The following NFIA variants were observed in gnomAD, a reference collection of about 807,000 sequenced individuals.
NFIA encodes the protein nuclear factor I A.
NFIA carries 8 observed loss-of-function variants against 62.8 expected under a neutral mutation model. The ratio of observed to expected loss-of-function variants is 0.13; its 90% CI spans 0.07 to 0.23. The LOEUF is 0.23. Ranked by LOEUF, NFIA falls within the 10% of genes least tolerant of loss-of-function variation. The pLI is 1.00. For missense variants in NFIA, 410 were observed against 642.1 expected (o/e 0.64, Z 3.91); for synonymous variants, 235 against 238.1 (o/e 0.99, Z 0.12).
chr1:61,417,491 G>A (rs541830129), intron 9 of NFIA, among the ~76,000 whole-genome samples: 2 of 151,250 alleles, frequency 1.3e-5, no homozygotes, highest in Non-Finnish European at 2.9e-5. Flanking sequence ...ATGTATTTTT[G>A]TCCCCAACTC....
At chr1:61,442,667 T>C (rs1406263934) in intron 10 of NFIA, among the ~76,000 whole-genome samples, 7 of 151,166 alleles carry the variant, frequency 4.6e-5, no homozygotes, top group Non-Finnish European at 1.5e-5. Context: ...GAACCAAAGT[T>C]TGATAGATAT....
chr1:61,138,500 A>G (rs1277193397), intron 2 of NFIA, among the ~76,000 whole-genome samples: 1 of 152,192 alleles, frequency 6.6e-6, no homozygotes, highest in African/African-American at 2.4e-5. Context: ...GTTGCCGGAC[A>G]GATTTGTGGT....
intron 3 of NFIA, among the ~76,000 whole-genome samples, chr1:61,281,876 A>G (rs1281155565): frequency 2.0e-5 from 3 of 152,236 alleles, no homozygotes; most frequent in Non-Finnish European, 4.4e-5. Context: ...GGTACCTAGT[A>G]CTTATTTGCT....
chr1:61,224,844 A>G (rs548933233), intron 2 of NFIA, among the ~76,000 whole-genome samples: 1 of 152,172 alleles, frequency 6.6e-6, no homozygotes, highest in Non-Finnish European at 1.5e-5. Flanking sequence ...CTTAAGTGGT[A>G]CTACTTGCTG....
At chr1:61,435,338 G>A (rs1667278502) in intron 10 of NFIA, among the ~76,000 whole-genome samples, 1 of 152,184 alleles carries the variant, frequency 6.6e-6, no homozygotes, top group Non-Finnish European at 1.5e-5. Context: ...CCAATTAAGT[G>A]TGGTTTAAGC....
At chr1:61,248,348 G>C (rs985946772) in intron 2 of NFIA, among the ~76,000 whole-genome samples, 1 of 152,172 alleles carries the variant, frequency 6.6e-6, no homozygotes, top group Non-Finnish European at 1.5e-5. Context: ...AAAATGCACA[G>C]AACTTCCTGA....
intron 3 of NFIA, among the ~76,000 whole-genome samples, chr1:61,281,263 A>G (rs1350896315): frequency 6.6e-6 from 1 of 152,084 alleles, no homozygotes; most frequent in Non-Finnish European, 1.5e-5. Flanking sequence ...AAGAAAAGAA[A>G]TAAAATACTA....
chr1:61,167,917 T>G (rs1356154504), intron 2 of NFIA, among the ~76,000 whole-genome samples: 1 of 152,178 alleles, frequency 6.6e-6, no homozygotes, highest in Non-Finnish European at 1.5e-5. Flanking sequence ...AATTCCAGTG[T>G]TGGATGCTCT....
At chr1:61,268,930 C>A (rs1657343498) in intron 2 of NFIA, among the ~76,000 whole-genome samples, 1 of 152,096 alleles carries the variant, frequency 6.6e-6, no homozygotes, top group South Asian at 2.1e-4. Context: ...CCGCACACTT[C>A]TCCACCCCCA....
chr1:61,185,312 A>G (rs1651091458), intron 2 of NFIA, among the ~76,000 whole-genome samples: 1 of 152,182 alleles, frequency 6.6e-6, no homozygotes, highest in African/African-American at 2.4e-5. Flanking sequence ...AAACAACTGG[A>G]ATAAGTATAA....
intron 3 of NFIA, among the ~76,000 whole-genome samples, chr1:61,314,944 C>A (rs995638734): frequency 6.6e-6 from 1 of 151,952 alleles, no homozygotes; most frequent in African/African-American, 2.4e-5. Context: ...GTTCACTGTT[C>A]GTATTTGTTT....
At chr1:61,123,160 C>A (rs1327751899) in intron 2 of NFIA, among the ~76,000 whole-genome samples, 2 of 152,150 alleles carry the variant, frequency 1.3e-5, no homozygotes, top group Non-Finnish European at 2.9e-5. Context: ...AATTTTTCCT[C>A]CCTTAAATCA....
At chr1:61,312,401 C>T (rs1660165508) in intron 3 of NFIA, among the ~76,000 whole-genome samples, 1 of 152,164 alleles carries the variant, frequency 6.6e-6, no homozygotes, top group South Asian at 2.1e-4. Context: ...TATTGTCTAA[C>T]ATGATTGGTA....
intron 10 of NFIA, among the ~76,000 whole-genome samples, chr1:61,448,308 T>A (rs866072566): frequency 1.1e-4 from 16 of 152,360 alleles, no homozygotes; most frequent in African/African-American, 3.8e-4. Context: ...AAGACAGATT[T>A]TTATTTTCTC....
intron 2 of NFIA, among the ~76,000 whole-genome samples, chr1:61,261,603 G>A (rs531403071): frequency 6.6e-6 from 1 of 152,260 alleles, no homozygotes; most frequent in East Asian, 1.9e-4. Context: ...ATAAGTCGAA[G>A]TGCATCTGTA....
chr1:61,350,041 G>T (rs556838793), intron 4 of NFIA, among the ~76,000 whole-genome samples: 1 of 151,912 alleles, frequency 6.6e-6, no homozygotes, highest in African/African-American at 2.4e-5. Context: ...TTCTTCAGGC[G>T]CCCCCCACCC....
intron 4 of NFIA, among the ~76,000 whole-genome samples, chr1:61,333,891 T>G (rs931312898): frequency 6.6e-6 from 1 of 152,114 alleles, no homozygotes; most frequent in Non-Finnish European, 1.5e-5. Flanking sequence ...CCCCAGCTAC[T>G]CAGGAGGCTG....
intron 3 of NFIA, among the ~76,000 whole-genome samples, chr1:61,317,980 G>T (rs1355951322): frequency 6.6e-6 from 1 of 152,016 alleles, no homozygotes; most frequent in Non-Finnish European, 1.5e-5. Flanking sequence ...TATAATTTCT[G>T]TAATACTGCC....
intron 7 of NFIA, among the ~76,000 whole-genome samples, chr1:61,403,002 G>A (rs146933306): frequency 5.1e-4 from 78 of 152,278 alleles, no homozygotes; most frequent in Non-Finnish European, 7.8e-4. Context: ...AGAAGTGATG[G>A]CCTGTCTTAC....
Sources: gnomAD v4.1 joint callset for allele counts (sites outside exome capture counted in the v4.1 genomes callset) on GRCh38, gnomAD v4.1.1 for gene constraint, MANE v1.5 for transcripts, NCBI Gene and HGNC (gene_info 2026-07-23, HGNC 2026-07-21) for gene names.